Variants in TENM3 observed in about 807,000 individuals in gnomAD.
TENM3 encodes the protein teneurin-3.
In TENM3, 63 loss-of-function variants were observed where a neutral mutation model predicts 255.1. The observed-to-expected ratio is 0.25, with a 90% confidence interval of 0.20 to 0.30. The LOEUF (loss-of-function observed/expected upper bound fraction) is 0.30. Among genes scored for constraint, TENM3 ranks in the 10% least tolerant of loss-of-function variants. TENM3 has a pLI of 1.00. For synonymous variants in TENM3, 1,306 were observed against 1,322.3 expected, an observed-to-expected ratio of 0.99 and a Z score of 0.27; for missense variants, 2,929 against 3,461.1, an observed-to-expected ratio of 0.85 and a Z score of 3.86.
chr4:182,392,888 A>G (rs980512338), intron 3 of TENM3, among the ~76,000 whole-genome samples: 15 of 152,224 alleles, frequency 9.9e-5, no homozygotes, highest in African/African-American at 3.6e-4. Context: ...GAGAAGAGCT[A>G]TTGGGGGTGC....
the TENM3 span, among the ~76,000 whole-genome samples, chr4:181,940,006 G>A: frequency 4.0e-3 from 616 of 152,280 alleles, 13 homozygotes; most frequent in East Asian, 0.058. Flanking sequence ...AGGAATTTAA[G>A]CAGAAATGCA....
intron 4 of TENM3, among the ~76,000 whole-genome samples, chr4:182,620,973 A>C (rs559430691): frequency 6.3e-4 from 96 of 152,276 alleles, no homozygotes; most frequent in Non-Finnish European, 4.1e-4. Context: ...TGAGGTCAGG[A>C]GATCGAGACC....
At chr4:181,819,261 C>T in the TENM3 span, among the ~76,000 whole-genome samples, 1 of 152,168 alleles carries the variant, frequency 6.6e-6, no homozygotes, top group Non-Finnish European at 1.5e-5. Context: ...TTTTTGCCCC[C>T]CCAATCGGCC....
At chr4:182,329,208 G>C (rs888941879) in intron 2 of TENM3, among the ~76,000 whole-genome samples, 1 of 152,170 alleles carries the variant, frequency 6.6e-6, no homozygotes, top group South Asian at 2.1e-4. Context: ...CCAAGCTGGC[G>C]CAAGTGTTTT....
chr4:181,742,666 ATTTATT>A, the TENM3 span, among the ~76,000 whole-genome samples: 1 of 151,366 alleles, frequency 6.6e-6, no homozygotes, highest in African/African-American at 2.4e-5. Context: ...TTGCTGTTTT[ATTTATT>A]TTTATTTTTT....
chr4:181,516,013 C>T, the TENM3 span, among the ~76,000 whole-genome samples: 30 of 152,108 alleles, frequency 2.0e-4, no homozygotes, highest in African/African-American at 7.2e-4. Context: ...TACTATGCAG[C>T]CATAAAAAGA....
At chr4:181,957,058 A>G in the TENM3 span, among the ~76,000 whole-genome samples, 3 of 152,182 alleles carry the variant, frequency 2.0e-5, 1 homozygote, top group Non-Finnish European at 2.9e-5. Context: ...TGTTGATTTC[A>G]GTTGGCATTG....
chr4:182,475,104 C>G (rs1733540909), intron 3 of TENM3, among the ~76,000 whole-genome samples: 1 of 152,144 alleles, frequency 6.6e-6, no homozygotes, highest in South Asian at 2.1e-4. Context: ...CTTCCTTCCA[C>G]TAGTCACAAC....
At chr4:182,568,143 A>G (rs904979406) in intron 3 of TENM3, among the ~76,000 whole-genome samples, 1 of 152,132 alleles carries the variant, frequency 6.6e-6, no homozygotes, top group Non-Finnish European at 1.5e-5. Flanking sequence ...TCTACCTCCA[A>G]CCTACCTTCA....
At chr4:182,509,258 G>A (rs998985894) in intron 3 of TENM3, among the ~76,000 whole-genome samples, 1 of 152,174 alleles carries the variant, frequency 6.6e-6, no homozygotes, top group Non-Finnish European at 1.5e-5. Context: ...CCTCAGATGT[G>A]TTTAACTCCA....
At chr4:182,783,052 T>G (rs1463707934) in intron 24 of TENM3, among the ~76,000 whole-genome samples, 1 of 149,674 alleles carries the variant, frequency 6.7e-6, no homozygotes, top group Middle Eastern at 3.5e-3. Flanking sequence ...TTAGTCCATT[T>G]ACATTTAAAG....
chr4:181,747,727 A>G, the TENM3 span, among the ~76,000 whole-genome samples: 3 of 151,950 alleles, frequency 2.0e-5, no homozygotes, highest in African/African-American at 7.2e-5. Flanking sequence ...ATCCTTCTTG[A>G]AAAAGTCTTA....
At chr4:182,009,861 C>T in the TENM3 span, among the ~76,000 whole-genome samples, 5 of 152,222 alleles carry the variant, frequency 3.3e-5, no homozygotes, top group East Asian at 3.9e-4. Context: ...ATCTTCCTAT[C>T]CGTGGATTAC....
chr4:181,511,846 CA>C, the TENM3 span, among the ~76,000 whole-genome samples: 14 of 151,932 alleles, frequency 9.2e-5, no homozygotes, highest in Non-Finnish European at 2.1e-4. Context: ...AAAACATTTC[CA>C]AAAGAAAGGC....
intron 4 of TENM3, among the ~76,000 whole-genome samples, chr4:182,620,211 C>T (rs1034670163): frequency 4.6e-5 from 7 of 152,144 alleles, no homozygotes; most frequent in Non-Finnish European, 7.4e-5. Flanking sequence ...TTTCCTTGTG[C>T]GGAAACTCAC....
the TENM3 span, among the ~76,000 whole-genome samples, chr4:181,501,457 C>T: frequency 2.0e-5 from 3 of 151,844 alleles, no homozygotes; most frequent in Non-Finnish European, 2.9e-5. Context: ...CAGCTCACCG[C>T]AACCTCCGCC....
chr4:182,180,189 G>A (rs1752756917), intron 1 of TENM3, among the ~76,000 whole-genome samples: 1 of 151,398 alleles, frequency 6.6e-6, no homozygotes, highest in Non-Finnish European at 1.5e-5. Flanking sequence ...TTTCCAAAAT[G>A]CTGCTTTACA....
intron 1 of TENM3, among the ~76,000 whole-genome samples, chr4:182,228,666 A>C (rs1002065822): frequency 1.4e-4 from 21 of 152,094 alleles, no homozygotes; most frequent in Admixed American, 9.8e-4. Context: ...AGCATCAAGA[A>C]AGTTCGTTAA....
chr4:181,454,785 G>A, the TENM3 span, among the ~76,000 whole-genome samples: 1 of 142,698 alleles, frequency 7.0e-6, no homozygotes, highest in Non-Finnish European at 1.5e-5. Context: ...CTACTGTACA[G>A]GTTTGCAGCC....
Sources: allele counts gnomAD v4.1 joint callset (sites outside exome capture counted in the v4.1 genomes callset), GRCh38; gene constraint gnomAD v4.1.1; transcripts MANE v1.5; gene names NCBI Gene and HGNC (gene_info 2026-07-23, HGNC 2026-07-21).